GALNT5: variants seen among roughly 807,000 people sequenced by gnomAD.
GALNT5 encodes UDP-GalNAc:polypeptide N-acetylgalactosaminyltransferase 5.
GALNT5 carries 72 observed loss-of-function variants against 85.4 expected under a neutral mutation model. The observed-to-expected ratio is 0.84, with a 90% CI of 0.70 to 1.03. The LOEUF (loss-of-function observed/expected upper bound fraction) is 1.03. Ranked by LOEUF, GALNT5 falls within the 50% of genes least tolerant of loss-of-function variation. The probability of loss-of-function intolerance (pLI) is 0.00; values close to 1 mark genes in which losing one functional copy is unlikely to be tolerated. For synonymous variants in GALNT5, 404 were observed against 397.0 expected, an observed-to-expected ratio of 1.02 and a Z score of -0.21; for missense variants, 1,137 against 1,135.5, an observed-to-expected ratio of 1.00 and a Z score of -0.02.
In GALNT5 at chr2:157,258,313, C is replaced by T; in HGVS notation, c.231C>T (p.Pro77=). ...FYSSIKEMKP[P]LRGHGKGAWG... ...GCAGCATAAAAGAGATGAAACCTCC[C>T]CTAAGGGGACATGGGAAAGGGGCAT... The change falls in exon 1 of 10, where the codon CCC becomes CCT. Residue 77 remains proline (P), a synonymous_variant. Transcript: ENST00000259056. The T allele has an allele frequency of 6.3e-7, 1 of 1,597,622 alleles. No homozygotes were observed. Among genetic ancestry groups the T allele is most frequent in the East Asian group, 2.2e-5 (1 of 44,790 alleles).
chr2:157,295,821 G>A, intron 4 of GALNT5, 23 bp downstream of exon 4: 1 of 1,566,288 alleles, frequency 6.4e-7, no homozygotes, highest in Non-Finnish European at 8.8e-7. Flanking sequence ...CATTCCACAA[G>A]ATACTTTCAA....
At chr2:157,297,221 C>T (rs537177251) in intron 5 of GALNT5, among the ~76,000 whole-genome samples, 40 of 152,260 alleles carry the variant, frequency 2.6e-4, no homozygotes, top group East Asian at 5.8e-4. Context: ...AAGCCCAGAC[C>T]GTGCACCGAA....
intron 9 of GALNT5, among the ~76,000 whole-genome samples, chr2:157,310,949 A>G (rs1236618758): frequency 6.6e-6 from 1 of 152,212 alleles, no homozygotes; most frequent in African/African-American, 2.4e-5. Context: ...GTTCTCAGCC[A>G]TATCATCAAG....
intron 1 of GALNT5, among the ~76,000 whole-genome samples, chr2:157,266,032 T>C (rs1051620046): frequency 3.3e-5 from 5 of 152,204 alleles, no homozygotes; most frequent in African/African-American, 2.4e-5. Flanking sequence ...GCTTTACCTA[T>C]AGAAAAACTG....
intron 1 of GALNT5, among the ~76,000 whole-genome samples, chr2:157,261,448 G>A (rs1682337694): frequency 6.6e-6 from 1 of 152,206 alleles, no homozygotes; most frequent in African/African-American, 2.4e-5. Flanking sequence ...TCTGAAGGAG[G>A]TTGTCCCAAC....
At chr2:157,291,840 A>G (rs1348009515) in intron 3 of GALNT5, among the ~76,000 whole-genome samples, 1 of 152,088 alleles carries the variant, frequency 6.6e-6, no homozygotes, top group Non-Finnish European at 1.5e-5. Context: ...GGGTCACTAT[A>G]GTTAACAATA....
At chr2:157,261,506 T>C (rs1354034711) in intron 1 of GALNT5, among the ~76,000 whole-genome samples, 2 of 152,190 alleles carry the variant, frequency 1.3e-5, no homozygotes, top group Admixed American at 6.5e-5. Context: ...TCAGAGAGCA[T>C]GTGGCCAGGC....
At chr2:157,291,633 A>ACCCCCC (rs10650005) in intron 3 of GALNT5, among the ~76,000 whole-genome samples, 105 of 116,960 alleles carry the variant, frequency 9.0e-4, no homozygotes, top group South Asian at 1.2e-3. Flanking sequence ...GTTACCACCC[A>ACCCCCC]CCCCCCCCCA....
chr2:157,277,128 A>C (rs1460517047), intron 1 of GALNT5, among the ~76,000 whole-genome samples: 6 of 151,984 alleles, frequency 3.9e-5, no homozygotes, highest in Non-Finnish European at 7.4e-5. Context: ...GTAGTTGTGC[A>C]GTTTTGAGTA....
At chr2:157,261,502 A>G (rs1313145022) in intron 1 of GALNT5, among the ~76,000 whole-genome samples, 1 of 152,158 alleles carries the variant, frequency 6.6e-6, no homozygotes, top group Non-Finnish European at 1.5e-5. Context: ...TGAGTCAGAG[A>G]GCATGTGGCC....
chr2:157,295,591 C>A, intron 3 of GALNT5, 72 bp from the exon 4 acceptor site: 1 of 1,227,242 alleles, frequency 8.1e-7, no homozygotes, highest in Non-Finnish European at 1.2e-6. Flanking sequence ...ATCATCAATA[C>A]CTTTGAACAT....
At chr2:157,272,264 A>C (rs1682605675) in intron 1 of GALNT5, among the ~76,000 whole-genome samples, 1 of 151,976 alleles carries the variant, frequency 6.6e-6, no homozygotes, top group Non-Finnish European at 1.5e-5. Flanking sequence ...GGGATGACAA[A>C]TTTTCCTGGT....
chr2:157,266,436 TGCAAGTCTCCTTA>T (rs1682460518), intron 1 of GALNT5, among the ~76,000 whole-genome samples: 1 of 152,202 alleles, frequency 6.6e-6, no homozygotes, highest in Non-Finnish European at 1.5e-5. Flanking sequence ...CATCATCACC[TGCAAGTCTCCTTA>T]GCTTGCCAAG....
intron 1 of GALNT5, among the ~76,000 whole-genome samples, chr2:157,281,212 C>G (rs1024385629): frequency 2.0e-5 from 3 of 152,114 alleles, no homozygotes; most frequent in African/African-American, 7.2e-5. Flanking sequence ...TTACAGGCAC[C>G]CGCAACGATG....
intron 1 of GALNT5, among the ~76,000 whole-genome samples, chr2:157,283,229 T>C (rs1389091410): frequency 1.3e-5 from 2 of 152,150 alleles, no homozygotes; most frequent in Non-Finnish European, 2.9e-5. Context: ...TAATTTGAGG[T>C]CGACATTGAA....
At chr2:157,259,585 T>C in intron 1 of GALNT5, 49 bp downstream of exon 1, 1 of 1,272,678 alleles carries the variant, frequency 7.9e-7, no homozygotes, top group Non-Finnish European at 1.0e-6. Context: ...GCTTTGGCTG[T>C]TATGTAAAGA....
chr2:157,286,149 A>G lies in GALNT5; in HGVS notation c.1741+15A>G. ...GAATGCAACAGGTAAGAAGTTACTC[A>G]TTTTTTTGTTTGTTACATTTTTATT... is the stretch of plus-strand genomic sequence containing the variant. On this transcript the variant is annotated intron_variant, in intron 3 of 9. Transcript: ENST00000259056. The G allele has an allele frequency of 3.1e-6, 5 of 1,599,952 alleles. No individual in the cohort carries two copies. Among genetic ancestry groups the G allele is most frequent in the Non-Finnish European group, 4.3e-6 (5 of 1,173,596 alleles).
Position 157,286,150 on chromosome 2 carries a change from T to C in GALNT5, c.1741+16T>C. On this transcript the variant is annotated intron_variant, in intron 3 of 9. Transcript: ENST00000259056. Reference sequence around the variant, plus strand: ...AATGCAACAGGTAAGAAGTTACTCATTTTTTTGTTTGTTACATTTTTATTT... The same window carrying C: ...AATGCAACAGGTAAGAAGTTACTCACTTTTTTGTTTGTTACATTTTTATTT... 2 of 1,595,704 alleles carry C rather than the reference T, an allele frequency of 1.3e-6. No homozygotes were observed. Among genetic ancestry groups the C allele is most frequent in the Non-Finnish European group, 1.7e-6 (2 of 1,170,160 alleles).
chr2:157,260,973 G>A (rs1682327433), intron 1 of GALNT5, among the ~76,000 whole-genome samples: 1 of 152,156 alleles, frequency 6.6e-6, no homozygotes, highest in South Asian at 2.1e-4. Flanking sequence ...CACAAAGCTA[G>A]TCATTGTAGA....
Sources: allele counts gnomAD v4.1 joint callset (sites outside exome capture counted in the v4.1 genomes callset), GRCh38; gene constraint gnomAD v4.1.1; transcripts MANE v1.5; gene names NCBI Gene and HGNC (gene_info 2026-07-23, HGNC 2026-07-21).